The following CNTN4 variants were observed in gnomAD, a reference collection of about 807,000 sequenced individuals.
CNTN4 encodes contactin 4, also known as contactin-4.
A neutral mutation model predicts 122.5 loss-of-function variants in CNTN4; 77 were observed. That is an observed-to-expected ratio of 0.63 (90% CI 0.52 to 0.76). CNTN4 has a LOEUF of 0.76. CNTN4 is among the 30% of genes least tolerant of loss of function. The pLI, the probability that CNTN4 is intolerant of heterozygous loss-of-function variation, is 0.00. For synonymous variants in CNTN4, 512 were observed against 447.0 expected (o/e 1.15, Z -1.83); for missense variants, 1,256 against 1,259.1 (o/e 1.00, Z 0.04).
intron 12 of CNTN4, among the ~76,000 whole-genome samples, chr3:2,907,124 T>A (rs62232772): frequency 0.059 from 8,923 of 152,268 alleles, 369 homozygotes; most frequent in Middle Eastern, 0.11. Flanking sequence ...TAAGACATAA[T>A]ATGATTGTTT....
chr3:2,218,002 G>T (rs2038918624), intron 2 of CNTN4, among the ~76,000 whole-genome samples: 1 of 152,172 alleles, frequency 6.6e-6, no homozygotes, highest in Non-Finnish European at 1.5e-5. Context: ...AAATTGGAAG[G>T]CTGGTATTTC....
chr3:2,957,905 G>A (rs1022530372), intron 13 of CNTN4, among the ~76,000 whole-genome samples: 1 of 152,114 alleles, frequency 6.6e-6, no homozygotes, highest in African/African-American at 2.4e-5. Context: ...AACGTAAAGT[G>A]CATATGTCTT....
chr3:2,943,370 A>G (rs553177983), intron 13 of CNTN4, among the ~76,000 whole-genome samples: 38 of 152,212 alleles, frequency 2.5e-4, no homozygotes, highest in South Asian at 1.7e-3. Context: ...CAAGCCTGCA[A>G]TTAGCCCAGG....
At chr3:2,911,423 T>C (rs1441776487) in intron 12 of CNTN4, among the ~76,000 whole-genome samples, 1 of 152,146 alleles carries the variant, frequency 6.6e-6, no homozygotes, top group Non-Finnish European at 1.5e-5. Context: ...CTTGAGAGAT[T>C]TGCGGAATCT....
At chr3:2,776,142 A>G (rs1385685270) in intron 6 of CNTN4, among the ~76,000 whole-genome samples, 4 of 152,182 alleles carry the variant, frequency 2.6e-5, no homozygotes, top group Admixed American at 2.6e-4. Context: ...GAGTGGAGTC[A>G]TGGCTCCAAA....
intron 8 of CNTN4, 83 bp from the exon 9 acceptor site, chr3:2,883,062 T>C: frequency 2.2e-6 from 2 of 919,872 alleles, no homozygotes; most frequent in African/African-American, 1.6e-5. Flanking sequence ...TGTATAAGCA[T>C]TCTGCATTAA....
chr3:2,786,046 C>T (rs911056592), intron 6 of CNTN4, among the ~76,000 whole-genome samples: 1 of 152,038 alleles, frequency 6.6e-6, no homozygotes, highest in Non-Finnish European at 1.5e-5. Flanking sequence ...AGGATTTGGG[C>T]TGGGGATGGT....
At chr3:2,453,196 GA>G (rs903023336) in intron 3 of CNTN4, among the ~76,000 whole-genome samples, 10 of 144,164 alleles carry the variant, frequency 6.9e-5, no homozygotes, top group African/African-American at 1.8e-4. Context: ...AACTCACCAA[GA>G]AAAAAAAAAG....
Position 2,773,747 on chromosome 3 carries a change from T to C in CNTN4, c.358+28050T>C, listed in dbSNP as rs569061896. ...GCACTGAGTAATAATGAAGCCTTCATCTCAATGTAGTAGACTTTTTTTTTT... is the reference window on the plus strand; with the variant it reads ...GCACTGAGTAATAATGAAGCCTTCACCTCAATGTAGTAGACTTTTTTTTTT... On this transcript the variant is annotated intron_variant, in intron 6 of 24. Transcript: ENST00000418658. Among the ~76,000 whole-genome samples the C allele has an allele frequency of 1.2e-4, 17 of 147,044 alleles. No homozygotes were observed. The Admixed American group carries it at 1.2e-3, about 10-fold the overall frequency.
At position 2,795,993 on chromosome 3, in the gene CNTN4, A is replaced by G. The variant is rs79789234; in HGVS notation, c.359-23493A>G. On this transcript the variant is annotated intron_variant, in intron 6 of 24. Transcript: ENST00000418658. Reference sequence around the variant, plus strand: ...GTAAATAACCATTTCTTAGATGTCTAGTTTATTAATCACAGAAATATCTGG... The same window carrying G: ...GTAAATAACCATTTCTTAGATGTCTGGTTTATTAATCACAGAAATATCTGG... Among the ~76,000 whole-genome samples, 917 of 152,298 alleles carry G rather than the reference A, an allele frequency of 6.0e-3. 11 individuals are homozygous for G. Among genetic ancestry groups the G allele is most frequent in the African/African-American group, 0.02 (823 of 41,570 alleles).
chr3:2,755,321 A>G (rs2090285321), intron 6 of CNTN4, among the ~76,000 whole-genome samples: 1 of 152,210 alleles, frequency 6.6e-6, no homozygotes, highest in Admixed American at 6.5e-5. Flanking sequence ...ATGGATGACT[A>G]TTTAGATGAA....
At chr3:2,949,854 A>G (rs1404597872) in intron 13 of CNTN4, among the ~76,000 whole-genome samples, 4 of 152,366 alleles carry the variant, frequency 2.6e-5, no homozygotes, top group Admixed American at 6.5e-5. Context: ...AGGCAAACAG[A>G]TAGAACATCT....
Position 3,006,168 on chromosome 3 carries a change from G to T in CNTN4, c.1486+17696G>T, listed in dbSNP as rs866022139. ...TGGGATTACAGGCATGAGCCACCGC[G>T]CCCAGCCCACGCTGTGTAGATTTTT... On this transcript the variant is annotated intron_variant, in intron 14 of 24. Transcript: ENST00000418658. Among the ~76,000 whole-genome samples the T allele has an allele frequency of 2.0e-5, 3 of 152,192 alleles. No individual in the cohort carries two copies. In the South Asian group the frequency reaches 6.2e-4, roughly 32 times the overall value.
chr3:2,776,019 G>A (rs2091300838), intron 6 of CNTN4, among the ~76,000 whole-genome samples: 1 of 152,130 alleles, frequency 6.6e-6, no homozygotes, highest in Admixed American at 6.5e-5. Context: ...TTATGTCATA[G>A]CATATTTATT....
intron 2 of CNTN4, among the ~76,000 whole-genome samples, chr3:2,334,944 C>T (rs1421783921): frequency 6.6e-6 from 1 of 152,186 alleles, no homozygotes; most frequent in African/African-American, 2.4e-5. Flanking sequence ...TGGAAAGGGT[C>T]TAGATCAGGA....
intron 6 of CNTN4, among the ~76,000 whole-genome samples, chr3:2,764,997 G>A (rs1393650152): frequency 6.6e-6 from 1 of 152,094 alleles, no homozygotes; most frequent in East Asian, 1.9e-4. Flanking sequence ...ACACTATACT[G>A]GCTTTCTGAT....
At chr3:2,456,906 G>A (rs1238493555) in intron 3 of CNTN4, among the ~76,000 whole-genome samples, 6 of 152,170 alleles carry the variant, frequency 3.9e-5, no homozygotes, top group African/African-American at 1.4e-4. Flanking sequence ...TTTACTTTGT[G>A]CTAGTCAATG....
At chr3:2,789,019 C>G (rs1327063692) in intron 6 of CNTN4, among the ~76,000 whole-genome samples, 1 of 151,812 alleles carries the variant, frequency 6.6e-6, no homozygotes, top group Non-Finnish European at 1.5e-5. Flanking sequence ...ATTTTATTTT[C>G]TCTTTATGCC....
chr3:2,206,287 A>G (rs375053930), intron 2 of CNTN4, among the ~76,000 whole-genome samples: 1 of 152,082 alleles, frequency 6.6e-6, no homozygotes, highest in Non-Finnish European at 1.5e-5. Flanking sequence ...ATCATGTCTA[A>G]CTTTCTTTGA....
Sources: allele counts gnomAD v4.1 joint callset (sites outside exome capture counted in the v4.1 genomes callset), GRCh38; gene constraint gnomAD v4.1.1; transcripts MANE v1.5; gene names NCBI Gene and HGNC (gene_info 2026-07-23, HGNC 2026-07-21).